GPR107: variants seen among roughly 807,000 people sequenced by gnomAD.
The protein encoded by GPR107 is protein GPR107.
A neutral mutation model predicts 75.5 loss-of-function variants in GPR107; 31 were observed. The ratio of observed to expected loss-of-function variants is 0.41; its 90% CI spans 0.31 to 0.55. The LOEUF (loss-of-function observed/expected upper bound fraction) is 0.55. Among genes scored for constraint, GPR107 ranks in the 20% least tolerant of loss-of-function variants. GPR107 has a pLI of 0.26. For synonymous variants in GPR107, 267 were observed against 251.3 expected, an observed-to-expected ratio of 1.06 and a Z score of -0.59; for missense variants, 572 against 665.7, an observed-to-expected ratio of 0.86 and a Z score of 1.55.
intron 14 of GPR107, chr9:130,114,579 T>C: frequency 2.2e-6 from 1 of 452,804 alleles, no homozygotes; most frequent in Non-Finnish European, 4.2e-6. Context: ...GGAGATAGAG[T>C]CTCACCATTT....
chr9:130,062,458 T>TAATAATAATAGC (rs1381586407), intron 1 of GPR107, among the ~76,000 whole-genome samples: 2 of 148,580 alleles, frequency 1.3e-5, no homozygotes, highest in South Asian at 2.1e-4. Context: ...ATAATAATAA[T>TAATAATAATAGC]AGCACTGAGT....
At chr9:130,102,929 G>A (rs1313158804) in intron 12 of GPR107, among the ~76,000 whole-genome samples, 1 of 149,712 alleles carries the variant, frequency 6.7e-6, no homozygotes, top group African/African-American at 2.5e-5. Flanking sequence ...GACCACAGAC[G>A]TACACCATCA....
At chr9:130,056,467 A>T (rs1829791678) in intron 1 of GPR107, among the ~76,000 whole-genome samples, 1 of 130,900 alleles carries the variant, frequency 7.6e-6, no homozygotes, top group Non-Finnish European at 1.7e-5. Context: ...ATAAATAAAT[A>T]AAATAAAATA....
rs1830764942 is a variant in GPR107 at position 130,092,472 on chromosome 9, T to C, written c.863+91T>C. On this transcript the variant is annotated intron_variant, in intron 9 of 17. Coordinates refer to ENST00000347136, the MANE Select transcript of GPR107 (RefSeq NM_020960.5). ...TCCTGAACCTGGAGGCAGTTGTCAC[T>C]TAGCAGTGTTGTTCCTTTCAAAGGG... The C allele has an allele frequency of 3.9e-6, 4 of 1,035,364 alleles. No homozygotes were observed. In the Admixed American group the frequency reaches 7.0e-5, roughly 18 times the overall value. The allele number at this position is 1,035,364 out of a possible 1,614,324, so 64.1% of individuals were successfully genotyped here.
In GPR107 at chr9:130,128,627, T is replaced by C; in HGVS notation, c.1441-13T>C. 1 of 1,609,036 alleles carries C rather than the reference T, an allele frequency of 6.2e-7. No homozygotes were observed. Among genetic ancestry groups the C allele is most frequent in the Non-Finnish European group, 8.5e-7 (1 of 1,175,854 alleles). On this transcript the variant is annotated splice_polypyrimidine_tract_variant and intron_variant, in intron 16 of 17. Coordinates refer to ENST00000347136, the MANE Select transcript of GPR107 (RefSeq NM_020960.5). The stretch of plus-strand genomic sequence containing the variant: ...CTAATCTCTTTATTTTGGGGTGGTT[T>C]TTAAACTTGCAGCTCCTGGATGAAA...
intron 15 of GPR107, among the ~76,000 whole-genome samples, chr9:130,126,396 A>G (rs1589531351): frequency 8.0e-6 from 1 of 125,354 alleles, no homozygotes; most frequent in South Asian, 2.7e-4. Context: ...CCCAGGCTGG[A>G]GTGCAATGGC....
intron 1 of GPR107, among the ~76,000 whole-genome samples, chr9:130,059,731 G>A (rs1184658845): frequency 4.1e-5 from 2 of 48,912 alleles, no homozygotes; most frequent in African/African-American, 6.1e-5. Flanking sequence ...CAGTTAATAC[G>A]TCTTTTTTTT....
Position 130,110,502 on chromosome 9 carries a change from C to T in GPR107, c.1306+2963C>T, listed in dbSNP as rs909242940. On this transcript the variant is annotated intron_variant, in intron 14 of 17. Coordinates refer to ENST00000347136, the MANE Select transcript of GPR107 (RefSeq NM_020960.5). ...GCACCCATTTCTCATCAGCAAATAT[C>T]ACAAATACTCTGAAAGAGGGACAGA... 1.4e-5 allele frequency: 11 copies of T among 765,698 alleles called. No individual in the cohort carries two copies. In the Admixed American group the frequency reaches 1.8e-4, roughly 13 times the overall value. The allele number at this position is 765,698 out of a possible 1,614,324, so 47.4% of individuals were successfully genotyped here.
At chr9:130,130,018 A>T (rs898455063) in intron 17 of GPR107, 4 of 152,114 alleles carry the variant, frequency 2.6e-5, no homozygotes, top group African/African-American at 9.7e-5. Context: ...CAATTTTTTT[A>T]AAATTTTGTT....
intron 1 of GPR107, among the ~76,000 whole-genome samples, chr9:130,062,233 T>A (rs1027339479): frequency 6.6e-6 from 1 of 151,308 alleles, no homozygotes; most frequent in Admixed American, 6.6e-5. Flanking sequence ...GCCAACATGG[T>A]AAAACCCCAT....
intron 14 of GPR107, chr9:130,108,950 G>T: frequency 3.3e-6 from 1 of 307,284 alleles, no homozygotes; most frequent in South Asian, 2.5e-5. Flanking sequence ...AAAACCCAAG[G>T]TAGGAAGTAC....
chr9:130,134,974 T>A (rs1282930040), intron 17 of GPR107, 51 bp from the exon 18 acceptor site: 3 of 1,060,492 alleles, frequency 2.8e-6, no homozygotes, highest in Non-Finnish European at 4.3e-6. Flanking sequence ...AGATGGCCTT[T>A]TACTAAGAGA....
At chr9:130,132,485 A>G (rs535212235) in intron 17 of GPR107, among the ~76,000 whole-genome samples, 80 of 152,300 alleles carry the variant, frequency 5.3e-4, no homozygotes, top group African/African-American at 1.7e-3. Context: ...GGCTGGATGT[A>G]TTAAAATATA....
chr9:130,058,328 A>G (rs1829841785), intron 1 of GPR107, among the ~76,000 whole-genome samples: 1 of 152,152 alleles, frequency 6.6e-6, no homozygotes, highest in Admixed American at 6.6e-5. Context: ...GTCACCCCAT[A>G]AGATCCCTTG....
At chr9:130,098,642 CA>C (rs1482232850) in intron 9 of GPR107, among the ~76,000 whole-genome samples, 4 of 152,118 alleles carry the variant, frequency 2.6e-5, no homozygotes, top group Non-Finnish European at 4.4e-5. Flanking sequence ...GGTTCATTCA[CA>C]ACATTAAATT....
chr9:130,060,361 C>T (rs1829898171), intron 1 of GPR107, among the ~76,000 whole-genome samples: 1 of 150,950 alleles, frequency 6.6e-6, no homozygotes, highest in Admixed American at 6.6e-5. Context: ...CCGCGCCCAG[C>T]CTATCCATTT....
chr9:130,115,369 C>T (rs566991276), intron 14 of GPR107, among the ~76,000 whole-genome samples: 1 of 152,228 alleles, frequency 6.6e-6, no homozygotes, highest in East Asian at 1.9e-4. Flanking sequence ...AGATCCTCCC[C>T]CTTTTTTCCG....
intron 7 of GPR107, among the ~76,000 whole-genome samples, chr9:130,088,919 C>G (rs1198776943): frequency 6.6e-6 from 1 of 152,042 alleles, no homozygotes; most frequent in Non-Finnish European, 1.5e-5. Context: ...CCTGTAATCC[C>G]AGCACTTTGG....
intron 14 of GPR107, among the ~76,000 whole-genome samples, chr9:130,111,565 G>T (rs976107374): frequency 6.6e-6 from 1 of 152,084 alleles, no homozygotes; most frequent in Non-Finnish European, 1.5e-5. Flanking sequence ...CTATGGCAAA[G>T]AATCTCATTT....
Sources: allele counts gnomAD v4.1 joint callset (sites outside exome capture counted in the v4.1 genomes callset), GRCh38; gene constraint gnomAD v4.1.1; transcripts MANE v1.5; gene names NCBI Gene and HGNC (gene_info 2026-07-23, HGNC 2026-07-21).